Variants in ADAMTSL1 observed in about 807,000 individuals in gnomAD.
ADAMTSL1 encodes ADAMTS-like protein 1.
In ADAMTSL1, 126 loss-of-function variants were observed where a neutral mutation model predicts 201.8. The ratio of observed to expected loss-of-function variants is 0.62; its 90% CI spans 0.54 to 0.72. The LOEUF is 0.72. ADAMTSL1 is among the 30% of genes least tolerant of loss of function. The probability of loss-of-function intolerance (pLI) is 0.00; values close to 1 mark genes in which losing one functional copy is unlikely to be tolerated. For missense variants in ADAMTSL1, 2,679 were observed against 2,277.8 expected (o/e 1.18, Z -3.59); for synonymous variants, 1,121 against 903.4 (o/e 1.24, Z -4.32).
chr9:18,070,180 C>G (rs183839460), intron 1 of ADAMTSL1, among the ~76,000 whole-genome samples: 1 of 152,092 alleles, frequency 6.6e-6, no homozygotes, highest in Non-Finnish European at 1.5e-5. Context: ...ATTCAAAGAA[C>G]CAGAATAACC....
chr9:18,247,655 G>C (rs928255623), intron 2 of ADAMTSL1, among the ~76,000 whole-genome samples: 5 of 152,152 alleles, frequency 3.3e-5, no homozygotes, highest in African/African-American at 1.2e-4. Flanking sequence ...AGGTCTTTCT[G>C]ATAAGGTGAC....
chr9:18,005,999 C>T (rs1819803729), intron 1 of ADAMTSL1, among the ~76,000 whole-genome samples: 2 of 151,824 alleles, frequency 1.3e-5, no homozygotes, highest in South Asian at 4.2e-4. Context: ...TGTGTGAATT[C>T]CTAGTGTAAA....
chr9:17,940,010 G>A (rs1827170583), intron 1 of ADAMTSL1, among the ~76,000 whole-genome samples: 1 of 152,026 alleles, frequency 6.6e-6, no homozygotes, highest in South Asian at 2.1e-4. Context: ...CAGAGGCATG[G>A]AAGCATGAGA....
At chr9:18,115,250 C>T (rs910869916) in intron 1 of ADAMTSL1, among the ~76,000 whole-genome samples, 4 of 152,062 alleles carry the variant, frequency 2.6e-5, no homozygotes, top group Admixed American at 6.6e-5. Flanking sequence ...TTCTCACTGA[C>T]GTCAAGGTGA....
chr9:18,673,563 G>A (rs1040260046), intron 9 of ADAMTSL1, among the ~76,000 whole-genome samples: 2 of 152,146 alleles, frequency 1.3e-5, no homozygotes, highest in African/African-American at 2.4e-5. Flanking sequence ...AAAGTTCAAC[G>A]TCTTGAATTT....
intron 1 of ADAMTSL1, among the ~76,000 whole-genome samples, chr9:18,015,461 C>A (rs965846111): frequency 2.0e-5 from 3 of 152,204 alleles, no homozygotes; most frequent in Non-Finnish European, 4.4e-5. Flanking sequence ...AGATGAACCA[C>A]AGAAGCAGAG....
chr9:18,906,802 G>A lies in ADAMTSL1; in HGVS notation c.5072G>A (p.Arg1691His), dbSNP rs376668813. 433 of 1,614,028 alleles carry A rather than the reference G, an allele frequency of 2.7e-4. No individual in the cohort carries two copies. The highest frequency in any genetic ancestry group is 5.7e-4 in the South Asian group (52 of 91,092). ...GGCAACTACGGCTTCCAGTCCCGGC[G>A]TGTGGAGTGTGTGCATGCCCGCACC... is the stretch of plus-strand genomic sequence containing the variant. ...TCGNYGFQSR[R>H]VECVHARTNK... Residue 1691 changes from arginine (R) to histidine (H), a missense_variant, in exon 28 of 29, where the codon CGT (arginine) becomes CAT (histidine). Arg to His is a conservative substitution (Grantham distance 29). Transcript: ENST00000380548.
intron 23 of ADAMTSL1, among the ~76,000 whole-genome samples, chr9:18,846,909 C>T (rs1266715536): frequency 6.6e-6 from 1 of 152,134 alleles, no homozygotes; most frequent in African/African-American, 2.4e-5. Context: ...CACTGAAACT[C>T]TCATGTACCT....
intron 1 of ADAMTSL1, among the ~76,000 whole-genome samples, chr9:18,145,372 T>C (rs1826596188): frequency 6.6e-6 from 1 of 152,192 alleles, no homozygotes; most frequent in African/African-American, 2.4e-5. Context: ...ATCCTCAGTT[T>C]CTTGCGTTCT....
intron 2 of ADAMTSL1, among the ~76,000 whole-genome samples, chr9:18,222,197 A>G (rs926150563): frequency 1.3e-5 from 2 of 151,930 alleles, no homozygotes; most frequent in African/African-American, 4.8e-5. Context: ...TGTATAACAT[A>G]TAGCTAATTT....
intron 3 of ADAMTSL1, among the ~76,000 whole-genome samples, chr9:18,562,980 G>T (rs1369785094): frequency 6.6e-6 from 1 of 152,068 alleles, no homozygotes; most frequent in Non-Finnish European, 1.5e-5. Flanking sequence ...TAGCTCAGAG[G>T]AGTTTGTTAT....
intron 1 of ADAMTSL1, among the ~76,000 whole-genome samples, chr9:18,012,713 G>A (rs1820102263): frequency 6.6e-6 from 1 of 152,038 alleles, no homozygotes; most frequent in Non-Finnish European, 1.5e-5. Flanking sequence ...CCCAGGAGAT[G>A]GGGAGTCCCC....
At chr9:18,302,093 G>T (rs899997219) in intron 2 of ADAMTSL1, among the ~76,000 whole-genome samples, 3 of 152,064 alleles carry the variant, frequency 2.0e-5, no homozygotes, top group African/African-American at 7.2e-5. Context: ...ATTAAAGCTT[G>T]TCAAAAGGCC....
rs151241300 is a variant in ADAMTSL1 at position 18,463,823 on chromosome 9, C to A, written c.208-41006C>A. Among the ~76,000 whole-genome samples, 31 of 152,258 alleles carry A rather than the reference C, an allele frequency of 2.0e-4. No homozygotes were observed. In the East Asian group the frequency reaches 5.4e-3, roughly 26 times the overall value. On this transcript the variant is annotated intron_variant, in intron 2 of 29. Transcript: ENST00000680146. ...TATATAACACTGCTATGAACATGGG[C>A]GTACAAATATCTGTTTGAATCTCTA...
chr9:18,225,781 A>G (rs1830415272), intron 2 of ADAMTSL1, among the ~76,000 whole-genome samples: 1 of 152,170 alleles, frequency 6.6e-6, no homozygotes, highest in South Asian at 2.1e-4. Context: ...ATTAAATATG[A>G]TCATTTATGC....
intron 23 of ADAMTSL1, among the ~76,000 whole-genome samples, chr9:18,853,561 G>T (rs775208908): frequency 3.9e-5 from 6 of 152,132 alleles, no homozygotes; most frequent in Non-Finnish European, 7.4e-5. Context: ...GAGAATTCAG[G>T]CTCCTCTCAT....
rs1347353189 is a variant in ADAMTSL1, at chr9:18,203,715, G to GA, written c.207+39735dup. Among the ~76,000 whole-genome samples, 11 of 152,254 alleles carry GA rather than the reference G, an allele frequency of 7.2e-5. No homozygotes were observed. The East Asian group carries it at 1.9e-3, about 27-fold the overall frequency. On this transcript the variant is annotated intron_variant, in intron 2 of 29. Coordinates refer to the ADAMTSL1 transcript ENST00000680146. ...GAAAATCAAGGACAGGGAAAATACA[G>GA]ACTATCTGGAAAGGTAAGACTGGAG...
intron 4 of ADAMTSL1, among the ~76,000 whole-genome samples, chr9:18,607,194 A>G (rs1022637545): frequency 1.3e-5 from 2 of 152,174 alleles, no homozygotes; most frequent in African/African-American, 4.8e-5. Context: ...CTCCCCTTTG[A>G]TATGTATCCC....
In ADAMTSL1 at chr9:18,249,772, G is replaced by A. The variant is rs909721448; in HGVS notation, c.207+85791G>A. 7.2e-5 allele frequency among the ~76,000 whole-genome samples: 11 copies of A among 152,254 alleles called. No homozygotes were observed. In the East Asian group the frequency reaches 1.7e-3, roughly 24 times the overall value. On this transcript the variant is annotated intron_variant, in intron 2 of 29. Coordinates refer to the ADAMTSL1 transcript ENST00000680146. Reference sequence around the variant, plus strand: ...CTCAACCAAAAGCTAAAACCAAAATGTGTGCCTCAGAAACTATTGAACTGA... The same window carrying A: ...CTCAACCAAAAGCTAAAACCAAAATATGTGCCTCAGAAACTATTGAACTGA...
Sources: gnomAD v4.1 joint callset for allele counts (sites outside exome capture counted in the v4.1 genomes callset) on GRCh38, gnomAD v4.1.1 for gene constraint, MANE v1.5 for transcripts, NCBI Gene and HGNC (gene_info 2026-07-23, HGNC 2026-07-21) for gene names.